WBP4: variants seen among roughly 807,000 people sequenced by gnomAD.
The protein encoded by WBP4 is WW domain-binding protein 4.
WBP4 carries 37 observed loss-of-function variants against 55.4 expected under a neutral mutation model. The observed-to-expected ratio is 0.67, with a 90% CI of 0.51 to 0.88. The LOEUF is 0.88. Among genes scored for constraint, WBP4 ranks in the 40% least tolerant of loss-of-function variants. The pLI is 0.00. For synonymous variants in WBP4, 142 were observed against 140.2 expected, an observed-to-expected ratio of 1.01 and a Z score of -0.09; for missense variants, 398 against 420.8, an observed-to-expected ratio of 0.95 and a Z score of 0.47.
chr13:41,061,540 G>C lies in WBP4; in HGVS notation c.-134G>C. 1.4e-6 allele frequency: 2 copies of C among 1,407,162 alleles called. No individual in the cohort carries two copies. Among genetic ancestry groups the C allele is most frequent in the South Asian group, 1.2e-5 (1 of 84,176 alleles). The allele number at this position is 1,407,162 out of a possible 1,614,324, so 87.2% of individuals were successfully genotyped here. On this transcript the variant is annotated 5_prime_UTR_variant, in exon 1 of 10. Transcript: ENST00000379487. Reference sequence around the variant, plus strand: ...GGGAACAGCGGAACGCTGGTCCCGGGGACTGAGTAAGGTGTCTGGATCGGA... The same window carrying C: ...GGGAACAGCGGAACGCTGGTCCCGGCGACTGAGTAAGGTGTCTGGATCGGA...
chr13:41,074,931 G>A (rs534297008), intron 7 of WBP4, among the ~76,000 whole-genome samples: 122 of 152,188 alleles, frequency 8.0e-4, no homozygotes, highest in Non-Finnish European at 2.9e-5. Flanking sequence ...GGAGGTGGAG[G>A]TTACAGTGAG....
chr13:41,069,828 A>C (rs1188500839), intron 5 of WBP4, among the ~76,000 whole-genome samples: 1 of 151,526 alleles, frequency 6.6e-6, no homozygotes, highest in Non-Finnish European at 1.5e-5. Flanking sequence ...CAGTGAGCCC[A>C]GATCGCGCCA....
chr13:41,063,795 C>T (rs530412183), intron 2 of WBP4, among the ~76,000 whole-genome samples: 29 of 152,058 alleles, frequency 1.9e-4, no homozygotes, highest in African/African-American at 6.5e-4. Context: ...CTTTAGGAAA[C>T]GCAATGTATG....
intron 5 of WBP4, among the ~76,000 whole-genome samples, chr13:41,069,529 G>A (rs1329239693): frequency 6.6e-6 from 1 of 152,010 alleles, no homozygotes; most frequent in African/African-American, 2.4e-5. Flanking sequence ...AGGCATGATG[G>A]TGGGCACCTG....
At position 41,082,729 on chromosome 13, in the gene WBP4, A is replaced by C; in HGVS notation, c.946A>C (p.Ser316Arg). Residue 316 changes from serine (S) to arginine (R), a missense_variant, in exon 10 of 10, where the codon AGC becomes CGC. Transcript: ENST00000379487. ...TGAGGAGGTAGATTTGGAACTTCCA[A>C]GCACTGAAAATGAGTATGTATCAAC... ...SHEEVDLELP[S>R]TENEYVSTSE... 1 of 1,614,068 alleles carries C rather than the reference A, an allele frequency of 6.2e-7. No homozygotes were observed. The highest frequency in any genetic ancestry group is 2.2e-5 in the East Asian group (1 of 44,872).
chr13:41,076,640 A>G (rs1878508363), intron 8 of WBP4, among the ~76,000 whole-genome samples: 1 of 152,186 alleles, frequency 6.6e-6, no homozygotes, highest in African/African-American at 2.4e-5. Context: ...ATAGAAATTA[A>G]GACATATTTT....
At chr13:41,077,877 A>T (rs553507806) in intron 8 of WBP4, among the ~76,000 whole-genome samples, 3 of 152,220 alleles carry the variant, frequency 2.0e-5, no homozygotes, top group East Asian at 1.9e-4. Flanking sequence ...AACCAAATAA[A>T]AAACTCAATC....
chr13:41,076,268 AATTTTTTTT>A, intron 8 of WBP4, 31 bp downstream of exon 8: 2 of 1,321,324 alleles, frequency 1.5e-6, no homozygotes, highest in South Asian at 1.5e-5. Flanking sequence ...CTTCACATCA[AATTTTTTTT>A]TTTTTTTTTT....
In WBP4 at chr13:41,072,831, C is replaced by G; in HGVS notation, c.536C>G (p.Thr179Ser). The G allele has an allele frequency of 6.2e-7, 1 of 1,613,340 alleles. No homozygotes were observed. The highest frequency in any genetic ancestry group is 8.5e-7 in the Non-Finnish European group (1 of 1,179,642). ...GAAGGTTTAAGTGAAGATGGTTTTACCTATTACTATAATACAGAAACAGGA... is the reference window on the plus strand; with the variant it reads ...GAAGGTTTAAGTGAAGATGGTTTTAGCTATTACTATAATACAGAAACAGGA... ...WVEGLSEDGF[T>S]YYYNTETGES... Residue 179 changes from threonine to serine, a missense_variant, in exon 7 of 10, where the codon ACC becomes AGC. Transcript: ENST00000379487.
At chr13:41,077,904 C>CA (rs148480921) in intron 8 of WBP4, among the ~76,000 whole-genome samples, 8,106 of 147,432 alleles carry the variant, frequency 0.055, 245 homozygotes, top group Middle Eastern at 0.1. Context: ...GTGGTAACTA[C>CA]AAAAAAAAAA....
intron 8 of WBP4, among the ~76,000 whole-genome samples, chr13:41,077,019 C>CA (rs573531262): frequency 6.6e-6 from 1 of 151,916 alleles, no homozygotes; most frequent in Non-Finnish European, 1.5e-5. Flanking sequence ...ACAACAACAA[C>CA]AAAAAAATAC....
At position 41,061,631 on chromosome 13, in the gene WBP4, C is replaced by G. The variant is rs1201119978; in HGVS notation, c.-43C>G. 1 of 1,614,124 alleles carries G rather than the reference C, an allele frequency of 6.2e-7. No homozygotes were observed. Among genetic ancestry groups the G allele is most frequent in the Non-Finnish European group, 8.5e-7 (1 of 1,180,010 alleles). On this transcript the variant is annotated 5_prime_UTR_variant, in exon 1 of 10. Coordinates refer to ENST00000379487, the MANE Select transcript of WBP4 (RefSeq NM_007187.5). ...CTCGTCCCGCTGGGAAAGCGCGAGT[C>G]TGAGTGGAACCCTGGACGACTTGCA...
In WBP4 at chr13:41,066,492, A is replaced by G. The variant is rs143032940; in HGVS notation, c.262+1205A>G. On this transcript the variant is annotated intron_variant, in intron 4 of 9. Transcript: ENST00000379487. ...TATTTTTTCCCTCAGTGATATATCA[A>G]ATGTATCTTTTCTTTTAATTAGGGA... is the stretch of plus-strand genomic sequence containing the variant. Among the ~76,000 whole-genome samples, 854 of 152,226 alleles carry G rather than the reference A, an allele frequency of 5.6e-3. 7 individuals are homozygous for G. Among genetic ancestry groups the G allele is most frequent in the African/African-American group, 0.019 (804 of 41,550 alleles).
chr13:41,068,774 GT>G (rs1878097580), intron 5 of WBP4, 37 bp downstream of exon 5: 3 of 1,498,590 alleles, frequency 2.0e-6, no homozygotes, highest in African/African-American at 2.8e-5. Flanking sequence ...AAAGAACAGT[GT>G]CACTAGTAGA....
chr13:41,062,090 G>A (rs2138454599), intron 1 of WBP4: 7 of 809,990 alleles, frequency 8.6e-6, no homozygotes, highest in African/African-American at 1.9e-5. Context: ...CCTGGATAGC[G>A]TAATGGTTTT....
intron 3 of WBP4, 43 bp downstream of exon 3, chr13:41,065,121 C>G (rs200451698): frequency 2.4e-4 from 379 of 1,601,142 alleles, no homozygotes; most frequent in Non-Finnish European, 2.9e-4. Flanking sequence ...ATGCAAATGT[C>G]AGTCCTTTAT....
chr13:41,066,475 C>T (rs1877979190), intron 4 of WBP4, among the ~76,000 whole-genome samples: 2 of 151,814 alleles, frequency 1.3e-5, no homozygotes, highest in African/African-American at 4.8e-5. Flanking sequence ...TTTATTTTTT[C>T]CCTCAGTGAT....
chr13:41,064,447 C>G (rs568935734), intron 2 of WBP4, among the ~76,000 whole-genome samples: 1 of 152,176 alleles, frequency 6.6e-6, no homozygotes, highest in East Asian at 1.9e-4. Context: ...TATTTGTAGT[C>G]TTGATAGATA....
intron 7 of WBP4, among the ~76,000 whole-genome samples, chr13:41,075,141 A>C (rs1044616442): frequency 6.6e-6 from 1 of 152,084 alleles, no homozygotes; most frequent in African/African-American, 2.4e-5. Flanking sequence ...AATAATTACT[A>C]ACGGCAGCCC....
Sources: allele counts gnomAD v4.1 joint callset (sites outside exome capture counted in the v4.1 genomes callset), GRCh38; gene constraint gnomAD v4.1.1; transcripts MANE v1.5; gene names NCBI Gene and HGNC (gene_info 2026-07-23, HGNC 2026-07-21).